Variants in SREBF2 observed in about 807,000 individuals in gnomAD.
The protein encoded by SREBF2 is sterol regulatory element-binding protein 2.
In SREBF2, 55 loss-of-function variants were observed where a neutral mutation model predicts 113.1. That is an observed-to-expected ratio of 0.49 (90% CI 0.39 to 0.61). The LOEUF is 0.61. Ranked by LOEUF, SREBF2 falls within the 20% of genes least tolerant of loss-of-function variation. The pLI is 0.00. For synonymous variants in SREBF2, 593 were observed against 605.7 expected (o/e 0.98, Z 0.31); for missense variants, 1,349 against 1,487.4 (o/e 0.91, Z 1.53).
chr22:41,868,500 AG>A lies in SREBF2; in HGVS notation c.539-109del, dbSNP rs1210602198. 12 of 1,214,806 alleles carry A rather than the reference AG, an allele frequency of 9.9e-6. No homozygotes were observed. The East Asian group carries it at 2.9e-4, about 30-fold the overall frequency. 75.3% of individuals were successfully genotyped at this position (1,214,806 alleles called of 1,614,324 possible). ...GGCTGTGCACATCATCTTCAGCAGTAGGTGGGGAGTTGGAATCATTATGAGA... is the reference window on the plus strand; with the variant it reads ...GGCTGTGCACATCATCTTCAGCAGTAGTGGGGAGTTGGAATCATTATGAGA... On this transcript the variant is annotated intron_variant, in intron 2 of 18. Transcript: ENST00000361204.
intron 11 of SREBF2, among the ~76,000 whole-genome samples, chr22:41,887,409 C>A (rs2077309672): frequency 6.6e-6 from 1 of 152,176 alleles, no homozygotes; most frequent in Admixed American, 6.5e-5. Context: ...AGCCTTCCAG[C>A]CTTCCAAGGG....
At chr22:41,857,413 A>C (rs1374245605) in intron 1 of SREBF2, among the ~76,000 whole-genome samples, 1 of 152,202 alleles carries the variant, frequency 6.6e-6, no homozygotes, top group Non-Finnish European at 1.5e-5. Context: ...GCGGGGAGAG[A>C]GAGCACTAGA....
At position 41,894,863 on chromosome 22, in the gene SREBF2, G is replaced by T. The variant is rs139099680; in HGVS notation, c.2421G>T (p.Leu807=). ...TCCACCAGGCCTTCTGCAAGAACCT[G>T]CTGGAGCGAGCTATAGAGTCCTTGG... The part of the protein sequence containing the change: ...AQVHQAFCKN[L]LERAIESLVK... The change falls in exon 13 of 19, where the codon CTG becomes CTT. Residue 807 remains leucine, a synonymous_variant. Transcript: ENST00000361204. 4 of 1,614,032 alleles carry T rather than the reference G, an allele frequency of 2.5e-6. No individual in the cohort carries two copies. In the Admixed American group the frequency reaches 6.7e-5, roughly 27 times the overall value.
chr22:41,849,822 T>G (rs1721531644), intron 1 of SREBF2, among the ~76,000 whole-genome samples: 1 of 152,122 alleles, frequency 6.6e-6, no homozygotes, highest in Non-Finnish European at 1.5e-5. Context: ...TGATCTTCCA[T>G]CAGCATTGAA....
At chr22:41,893,308 C>T (rs369578705) in intron 12 of SREBF2, 23 bp downstream of exon 12, 2 of 1,613,680 alleles carry the variant, frequency 1.2e-6, no homozygotes, top group African/African-American at 1.3e-5. Flanking sequence ...TGGAGCCATT[C>T]AGAATTGGAG....
In SREBF2 at chr22:41,884,928, C is replaced by G; in HGVS notation, c.2125C>G (p.Pro709Ala). 1 of 1,614,194 alleles carries G rather than the reference C, an allele frequency of 6.2e-7. No individual in the cohort carries two copies. Among genetic ancestry groups the G allele is most frequent in the South Asian group, 1.1e-5 (1 of 91,068 alleles). The change falls in exon 11 of 19, where the codon CCA (proline) becomes GCA (alanine). Residue 709 changes from proline (P) to alanine (A), a missense_variant. Coordinates refer to ENST00000361204, the MANE Select transcript of SREBF2 (RefSeq NM_004599.4). Reference sequence around the variant, plus strand: ...GGCTGAATGTGCAGAGGAGAAGATCCCACCGAGCACACTGGTTGAGATCCA... The same window carrying G: ...GGCTGAATGTGCAGAGGAGAAGATCGCACCGAGCACACTGGTTGAGATCCA... ...NLAECAEEKIPPSTLVEIHLT... is the reference protein window; with the variant it reads ...NLAECAEEKIAPSTLVEIHLT...
At chr22:41,904,814 A>C (rs755731537) in intron 17 of SREBF2, 49 bp from the exon 18 acceptor site, 14 of 1,435,218 alleles carry the variant, frequency 9.8e-6, no homozygotes, top group Middle Eastern at 1.7e-4. Flanking sequence ...CTGGGCATAG[A>C]TGGGTGGGGA....
At chr22:41,841,842 GTAATAGCCATATAATCTAATGTGAT>G (rs2076833157) in intron 1 of SREBF2, among the ~76,000 whole-genome samples, 1 of 152,220 alleles carries the variant, frequency 6.6e-6, no homozygotes, top group Non-Finnish European at 1.5e-5. Context: ...TAGTTGAGGT[GTAATAGCCATATAATCTAATGTGAT>G]CCATCTGAAT....
rs111256353 is a variant in SREBF2 at position 41,878,271 on chromosome 22, C to T, written c.1761+148C>T. 73 of 1,011,318 alleles carry T rather than the reference C, an allele frequency of 7.2e-5. 2 individuals carry two copies. Among genetic ancestry groups the T allele is most frequent in the African/African-American group, 5.9e-4 (37 of 62,868 alleles). The allele number at this position is 1,011,318 out of a possible 1,614,324, so 62.6% of individuals were successfully genotyped here. A position where few individuals can be genotyped will look rare whatever the true frequency, so the allele number is the denominator to read the frequency against. ...AATAGTCACAGGGCAGTGGAGTGGG[C>T]GCCTCTGCATAGATAATTAATTCCA... On this transcript the variant is annotated intron_variant, in intron 9 of 18. Transcript: ENST00000361204.
intron 1 of SREBF2, among the ~76,000 whole-genome samples, chr22:41,846,249 G>C (rs962258905): frequency 5.3e-5 from 8 of 152,210 alleles, no homozygotes; most frequent in Non-Finnish European, 1.0e-4. Flanking sequence ...GGTGGTTCTT[G>C]GAGTGACTAG....
In SREBF2 at chr22:41,873,110, T is replaced by C. The variant is rs1198351891; in HGVS notation, c.868-688T>C. Among the ~76,000 whole-genome samples, 3 of 151,992 alleles carry C rather than the reference T, an allele frequency of 2.0e-5. No individual in the cohort carries two copies. The East Asian group carries it at 5.8e-4, about 29-fold the overall frequency. On this transcript the variant is annotated intron_variant, in intron 4 of 18. Coordinates refer to ENST00000361204, the MANE Select transcript of SREBF2 (RefSeq NM_004599.4). ...TACTCGGGAGGCTGAGGCAGCAGAA[T>C]CACTTGAAGCTGGGAGGCAGAGTTT... is the stretch of plus-strand genomic sequence containing the variant.
chr22:41,863,954 G>A lies in SREBF2; in HGVS notation c.89-2877G>A, dbSNP rs1176815711. 2.6e-5 allele frequency among the ~76,000 whole-genome samples: 4 copies of A among 150,970 alleles called. No individual in the cohort carries two copies. In the South Asian group the frequency reaches 6.3e-4, roughly 24 times the overall value. ...TGGAGTACAGTGACGCAGTCATCTC[G>A]GCTTACTGCAACCTCTGCCTCCTGG... is the stretch of plus-strand genomic sequence containing the variant. On this transcript the variant is annotated intron_variant, in intron 1 of 18. Transcript: ENST00000361204.
At chr22:41,899,434 G>A (rs969842504) in intron 15 of SREBF2, 1 of 998,706 alleles carries the variant, frequency 1.0e-6, no homozygotes, top group Non-Finnish European at 1.2e-6. Flanking sequence ...AGTATTCTAA[G>A]AGAAACTGTA....
At chr22:41,893,384 C>CT in intron 12 of SREBF2, 99 bp downstream of exon 12, 1 of 1,351,060 alleles carries the variant, frequency 7.4e-7, no homozygotes. Flanking sequence ...CGGGTTGTCT[C>CT]TTAATCTTGT....
In SREBF2 at chr22:41,897,110, G is replaced by T. The variant is rs367988610; in HGVS notation, c.2554G>T (p.Gly852Trp). 1 of 1,612,680 alleles carries T rather than the reference G, an allele frequency of 6.2e-7. No homozygotes were observed. Among genetic ancestry groups the T allele is most frequent in the South Asian group, 1.1e-5 (1 of 90,940 alleles). ...KLLHSFVDSV[G>W]VMSPPLSRSS... ...ACTTCATTCTTTTGTGGACTCTGTG[G>T]GGGTTATGAGCCCCCCACTCTCCAG... is the stretch of plus-strand genomic sequence containing the variant. The change falls in exon 14 of 19, where the codon GGG becomes TGG. Residue 852 changes from glycine to tryptophan, a missense_variant. This residue lies in a region of SREBF2 where 650 missense variants were observed against 644.1 expected (regional missense o/e 1.01). Transcript: ENST00000361204.
At chr22:41,837,610 G>A (rs1025539590) in intron 1 of SREBF2, among the ~76,000 whole-genome samples, 8 of 148,156 alleles carry the variant, frequency 5.4e-5, no homozygotes, top group African/African-American at 2.0e-4. Context: ...TATAATCCCA[G>A]CACTTTGGGA....
At chr22:41,838,783 G>C (rs2076802039) in intron 1 of SREBF2, among the ~76,000 whole-genome samples, 1 of 152,064 alleles carries the variant, frequency 6.6e-6, no homozygotes, top group South Asian at 2.1e-4. Flanking sequence ...GATAGGCAAG[G>C]AAGATTGGAG....
rs141014927 is a variant in SREBF2, at chr22:41,875,756, A to G, written c.1386+32A>G. 9.6e-4 allele frequency: 1,547 copies of G among 1,611,806 alleles called. 10 individuals are homozygous for G. In the African/African-American group the frequency reaches 0.018, roughly 18 times the overall value. On this transcript the variant is annotated intron_variant, in intron 7 of 18. Transcript: ENST00000361204. ...ACTTTTGAAATCTCCTGATCCCTGG[A>G]ATCTTTCCCATTTCCCCTAAGAAGA...
In SREBF2 at chr22:41,887,969, G is replaced by A. The variant is rs960806310; in HGVS notation, c.2208+2958G>A. Among the ~76,000 whole-genome samples the A allele has an allele frequency of 7.2e-5, 11 of 152,246 alleles. No homozygotes were observed. The East Asian group carries it at 1.5e-3, about 21-fold the overall frequency. The stretch of plus-strand genomic sequence containing the variant: ...GTCTGTTTCGTTACATTCAATTCAA[G>A]TCTTACCTCTTTTTCATTTGGACTA... On this transcript the variant is annotated intron_variant, in intron 11 of 18. Coordinates refer to ENST00000361204, the MANE Select transcript of SREBF2 (RefSeq NM_004599.4).
Sources: allele counts gnomAD v4.1 joint callset (sites outside exome capture counted in the v4.1 genomes callset), GRCh38; gene constraint gnomAD v4.1.1; regional missense constraint gnomAD v4.1.1; transcripts MANE v1.5; gene names NCBI Gene and HGNC (gene_info 2026-07-23, HGNC 2026-07-21).